Variants in SEPTIN9 observed in about 807,000 individuals in gnomAD.
The protein encoded by SEPTIN9 is septin 9.
In SEPTIN9, 13 loss-of-function variants were observed where a neutral mutation model predicts 56.6. That is an observed-to-expected ratio of 0.23 (90% CI 0.15 to 0.37). The LOEUF is 0.37. Among genes scored for constraint, SEPTIN9 ranks in the 10% least tolerant of loss-of-function variants. The pLI, the probability that SEPTIN9 is intolerant of heterozygous loss-of-function variation, is 1.00. For synonymous variants in SEPTIN9, 332 were observed against 334.1 expected, an observed-to-expected ratio of 0.99 and a Z score of 0.07; for missense variants, 650 against 823.1, an observed-to-expected ratio of 0.79 and a Z score of 2.57.
rs754529055 is a variant in SEPTIN9 at position 77,475,916 on chromosome 17, G to A, written c.722-6228G>A. 5.0e-6 allele frequency: 8 copies of A among 1,603,866 alleles called. No homozygotes were observed. Among genetic ancestry groups the A allele is most frequent in the Middle Eastern group, 1.7e-4 (1 of 6,026 alleles). Reference sequence around the variant, plus strand: ...AGTGACAGACAAGGTGTGTGGGGATGTGGCCATTTCGGTCCGTGCTCTGAG... The same window carrying A: ...AGTGACAGACAAGGTGTGTGGGGATATGGCCATTTCGGTCCGTGCTCTGAG... On this transcript the variant is annotated intron_variant, in intron 3 of 11. Coordinates refer to ENST00000427177, the MANE Select transcript of SEPTIN9 (RefSeq NM_001113491.2). This position sits in a 1 kb window ranked among gnomAD's most constrained non-coding sequence, Gnocchi z 4.6.
intron 2 of SEPTIN9, among the ~76,000 whole-genome samples, chr17:77,388,810 C>CTT (rs5822196): frequency 0.16 from 12,347 of 77,620 alleles, 1,200 homozygotes; most frequent in East Asian, 0.38. Context: ...GTGTTAGGCG[C>CTT]TTTTTTTTTT....
intron 3 of SEPTIN9, among the ~76,000 whole-genome samples, chr17:77,444,481 G>C (rs1038950452): frequency 6.6e-6 from 1 of 151,966 alleles, no homozygotes; most frequent in African/African-American, 2.4e-5. Context: ...GTCGGGGAGG[G>C]GGGTGTGGAG....
At chr17:77,395,384 C>T (rs1014134334) in intron 2 of SEPTIN9, among the ~76,000 whole-genome samples, 5 of 152,062 alleles carry the variant, frequency 3.3e-5, no homozygotes, top group African/African-American at 1.2e-4. Context: ...AAAAATTAGC[C>T]AGACGTGGTG....
intron 2 of SEPTIN9, among the ~76,000 whole-genome samples, chr17:77,312,905 A>G (rs2143621769): frequency 6.6e-6 from 1 of 152,308 alleles, no homozygotes. Flanking sequence ...GCCCTTCCAC[A>G]TTGCAAGCGT....
chr17:77,381,529 C>T (rs901733239), intron 2 of SEPTIN9, among the ~76,000 whole-genome samples: 3 of 152,232 alleles, frequency 2.0e-5, no homozygotes, highest in East Asian at 1.9e-4. Flanking sequence ...CCCCAGAGAC[C>T]GATGTTATCT....
intron 2 of SEPTIN9, among the ~76,000 whole-genome samples, chr17:77,332,051 G>A (rs1485854528): frequency 1.3e-5 from 2 of 152,112 alleles, no homozygotes; most frequent in South Asian, 4.1e-4. Flanking sequence ...TGAGGTAGGA[G>A]GATCACTTGA....
chr17:77,468,708 A>G (rs1441987146), intron 3 of SEPTIN9, among the ~76,000 whole-genome samples: 1 of 152,200 alleles, frequency 6.6e-6, no homozygotes, highest in Non-Finnish European at 1.5e-5. Context: ...CCCAGGTGCA[A>G]TGGAAACCAG....
chr17:77,480,072 TG>T (rs2039390779), intron 3 of SEPTIN9, among the ~76,000 whole-genome samples: 1 of 151,916 alleles, frequency 6.6e-6, no homozygotes, highest in African/African-American at 2.4e-5. Context: ...GTGGCCTGGG[TG>T]GGGGCCACGT....
At chr17:77,393,700 C>T (rs1393368945) in intron 2 of SEPTIN9, among the ~76,000 whole-genome samples, 3 of 152,190 alleles carry the variant, frequency 2.0e-5, no homozygotes, top group Non-Finnish European at 4.4e-5. Context: ...AGCTATTCTG[C>T]CTCAGCCTCC....
intron 3 of SEPTIN9, among the ~76,000 whole-genome samples, chr17:77,420,511 C>T (rs1405862951): frequency 1.3e-5 from 2 of 152,144 alleles, no homozygotes; most frequent in Non-Finnish European, 2.9e-5. Context: ...GCTGATTCTG[C>T]TCCACCCAGA....
At position 77,436,397 on chromosome 17, in the gene SEPTIN9, G is replaced by A. The variant is rs1405744155; in HGVS notation, c.721+33694G>A. On this transcript the variant is annotated intron_variant, in intron 3 of 11. Transcript: ENST00000427177. This position sits in a 1 kb window ranked among gnomAD's most constrained non-coding sequence, Gnocchi z 4.4. ...GGAGAGAGGGTTTCCAATAAGCAGAGGATGGAGTGAATGTGAGATTCATTA... is the reference window on the plus strand; with the variant it reads ...GGAGAGAGGGTTTCCAATAAGCAGAAGATGGAGTGAATGTGAGATTCATTA... Among the ~76,000 whole-genome samples, 1 of 152,232 alleles carries A rather than the reference G, an allele frequency of 6.6e-6. No individual in the cohort carries two copies. The highest frequency in any genetic ancestry group is 2.4e-5 in the African/African-American group (1 of 41,466).
At position 77,488,256 on chromosome 17, in the gene SEPTIN9, C is replaced by A; in HGVS notation, c.1059C>A (p.Gly353=). 1.9e-6 allele frequency: 3 copies of A among 1,613,748 alleles called. No individual in the cohort carries two copies. Among genetic ancestry groups the A allele is most frequent in the South Asian group, 1.1e-5 (1 of 91,084 alleles). The change falls in exon 6 of 12, where the codon GGC becomes GGA. Residue 353 remains glycine (G), a synonymous_variant. Transcript: ENST00000427177. ...TCTGTGCAGATATTGAGGAGAAAGG[C>A]GTCCGGATGAAGCTGACAGTGATTG... ...KSITHDIEEK[G]VRMKLTVIDT...
chr17:77,403,071 C>T (rs972883841), intron 3 of SEPTIN9, among the ~76,000 whole-genome samples: 3 of 152,122 alleles, frequency 2.0e-5, no homozygotes, highest in Non-Finnish European at 4.4e-5. Flanking sequence ...AGGGCAGGCT[C>T]ATGCAGGGGT....
chr17:77,332,898 G>A (rs2033417491), intron 2 of SEPTIN9, among the ~76,000 whole-genome samples: 1 of 152,172 alleles, frequency 6.6e-6, no homozygotes, highest in African/African-American at 2.4e-5. Context: ...GTTTCCATCT[G>A]GAGGCTCTTA....
Position 77,450,025 on chromosome 17 carries a change from G to A in SEPTIN9, c.722-32119G>A, listed in dbSNP as rs769639093. ...CCATTCAGATGGGAACAGGGACTCC[G>A]GGCATGCAGTCTTCTCCCAGACACT... On this transcript the variant is annotated intron_variant, in intron 3 of 11. Transcript: ENST00000427177. The surrounding 1 kb of genome is among the most constrained non-coding windows in gnomAD (Gnocchi z 6.0). 9.9e-5 allele frequency among the ~76,000 whole-genome samples: 15 copies of A among 152,054 alleles called. No individual in the cohort carries two copies. Among genetic ancestry groups the A allele is most frequent in the Admixed American group, 2.6e-4 (4 of 15,282 alleles).
Position 77,323,209 on chromosome 17 carries a change from G to C in SEPTIN9, c.76+16012G>C, listed in dbSNP as rs1327038640. On this transcript the variant is annotated intron_variant, in intron 2 of 11. Coordinates refer to ENST00000427177, the MANE Select transcript of SEPTIN9 (RefSeq NM_001113491.2). This position sits in a 1 kb window ranked among gnomAD's most constrained non-coding sequence, Gnocchi z 6.8. ...CCTGGGGGCTGTGGCCTTCCCCTGG[G>C]AAGGTGCTGGAGGGTTTGTCAGCAG... Among the ~76,000 whole-genome samples, 1 of 152,170 alleles carries C rather than the reference G, an allele frequency of 6.6e-6. No homozygotes were observed. Among genetic ancestry groups the C allele is most frequent in the African/African-American group, 2.4e-5 (1 of 41,442 alleles).
chr17:77,366,603 T>TG (rs1175092641), intron 2 of SEPTIN9, among the ~76,000 whole-genome samples: 1 of 152,186 alleles, frequency 6.6e-6, no homozygotes, highest in Non-Finnish European at 1.5e-5. Flanking sequence ...CCTTCTGTCC[T>TG]GTGTGTGTGC....
Position 77,389,903 on chromosome 17 carries a change from G to T in SEPTIN9, c.77-12156G>T, listed in dbSNP as rs1347838850. Among the ~76,000 whole-genome samples, 2 of 152,138 alleles carry T rather than the reference G, an allele frequency of 1.3e-5. No individual in the cohort carries two copies. Among genetic ancestry groups the T allele is most frequent in the Non-Finnish European group, 2.9e-5 (2 of 68,010 alleles). Reference sequence around the variant, plus strand: ...GCACATCTGAGAGTGTGCCAGAGGTGCTCCCATTCCCATAGCTGATTTAGT... The same window carrying T: ...GCACATCTGAGAGTGTGCCAGAGGTTCTCCCATTCCCATAGCTGATTTAGT... On this transcript the variant is annotated intron_variant, in intron 2 of 11. Coordinates refer to ENST00000427177, the MANE Select transcript of SEPTIN9 (RefSeq NM_001113491.2). The surrounding 1 kb of genome is among the most constrained non-coding windows in gnomAD (Gnocchi z 4.3).
intron 2 of SEPTIN9, among the ~76,000 whole-genome samples, chr17:77,352,605 C>G (rs1011364745): frequency 6.6e-6 from 1 of 152,146 alleles, no homozygotes; most frequent in Non-Finnish European, 1.5e-5. Flanking sequence ...GCCTACCCCC[C>G]ACCTGGCCTT....
Sources: allele counts gnomAD v4.1 joint callset (sites outside exome capture counted in the v4.1 genomes callset), GRCh38; gene constraint gnomAD v4.1.1; non-coding constraint Gnocchi (gnomAD v3.1); transcripts MANE v1.5; gene names NCBI Gene and HGNC (gene_info 2026-07-23, HGNC 2026-07-21).